The following LRP1B variants were observed in gnomAD, a reference collection of about 807,000 sequenced individuals.
LRP1B encodes LDL receptor related protein 1B, also known as low-density lipoprotein receptor-related protein 1B.
LRP1B carries 217 observed loss-of-function variants against 556.6 expected under a neutral mutation model. That is an observed-to-expected ratio of 0.39 (90% confidence interval 0.35 to 0.44). LRP1B has a LOEUF of 0.44. Among genes scored for constraint, LRP1B ranks in the 20% least tolerant of loss-of-function variants. LRP1B has a pLI of 1.00. For missense variants in LRP1B, 5,053 were observed against 5,620.8 expected, an observed-to-expected ratio of 0.90 and a Z score of 3.23; for synonymous variants, 2,047 against 1,865.8, an observed-to-expected ratio of 1.10 and a Z score of -2.50.
chr2:141,172,832 A>C (rs1680565188), intron 7 of LRP1B, among the ~76,000 whole-genome samples: 1 of 152,048 alleles, frequency 6.6e-6, no homozygotes, highest in South Asian at 2.1e-4. Flanking sequence ...CTCTGTGAGT[A>C]GTTACCTTTG....
Position 141,753,934 on chromosome 2 carries a change from T to C in LRP1B, c.205+56345A>G, listed in dbSNP as rs561133806. 2.0e-5 allele frequency among the ~76,000 whole-genome samples: 3 copies of C among 152,250 alleles called. No individual in the cohort carries two copies. In the South Asian group the frequency reaches 6.2e-4, roughly 32 times the overall value. The stretch of plus-strand genomic sequence containing the variant: ...TAACCCTAATACCCAGGAGTGTACA[T>C]GCACACAGTAGATATTTTAACTGAT... On this transcript the variant is annotated intron_variant, in intron 2 of 90. Coordinates refer to ENST00000389484, the MANE Select transcript of LRP1B (RefSeq NM_018557.3).
At chr2:141,206,153 A>G (rs1682269044) in intron 6 of LRP1B, among the ~76,000 whole-genome samples, 1 of 152,066 alleles carries the variant, frequency 6.6e-6, no homozygotes, top group African/African-American at 2.4e-5. Flanking sequence ...ACACACACAC[A>G]CACACGCACA....
At chr2:141,738,318 T>C (rs556279903) in intron 2 of LRP1B, among the ~76,000 whole-genome samples, 1 of 152,304 alleles carries the variant, frequency 6.6e-6, no homozygotes, top group South Asian at 2.1e-4. Flanking sequence ...CACAAAAATC[T>C]AAATGCTGTA....
chr2:141,586,695 C>A (rs1687146318), intron 2 of LRP1B, among the ~76,000 whole-genome samples: 1 of 152,112 alleles, frequency 6.6e-6, no homozygotes, highest in Admixed American at 6.6e-5. Flanking sequence ...GTAATCCCAG[C>A]ACTTTGGGAG....
chr2:141,268,797 C>T lies in LRP1B; in HGVS notation c.344-14156G>A, dbSNP rs139895653. Reference sequence around the variant, plus strand: ...ATAATTCTAACCAAAAAACAACAGACACAGCCAAAACCCAGGAATATCAAA... The same window carrying T: ...ATAATTCTAACCAAAAAACAACAGATACAGCCAAAACCCAGGAATATCAAA... On this transcript the variant is annotated intron_variant, in intron 3 of 90. Coordinates refer to ENST00000389484, the MANE Select transcript of LRP1B (RefSeq NM_018557.3). Among the ~76,000 whole-genome samples, 74 of 152,212 alleles carry T rather than the reference C, an allele frequency of 4.9e-4. 1 individual carries two copies. The East Asian group carries it at 0.014, about 29-fold the overall frequency.
At chr2:141,413,802 A>T (rs747056359) in intron 3 of LRP1B, among the ~76,000 whole-genome samples, 1 of 151,858 alleles carries the variant, frequency 6.6e-6, no homozygotes, top group African/African-American at 2.4e-5. Context: ...ACCTGAGCAC[A>T]GGGAGGTTGA....
chr2:140,908,503 T>C (rs943766281), intron 21 of LRP1B, among the ~76,000 whole-genome samples: 6 of 151,540 alleles, frequency 4.0e-5, no homozygotes. Context: ...TTTAGGTGAA[T>C]GCTATCGGTG....
At chr2:140,939,766 C>A (rs889286486) in intron 20 of LRP1B, among the ~76,000 whole-genome samples, 1 of 151,346 alleles carries the variant, frequency 6.6e-6, no homozygotes, top group Admixed American at 6.6e-5. Flanking sequence ...ACATGAAAAT[C>A]CAAACATTTA....
intron 41 of LRP1B, among the ~76,000 whole-genome samples, chr2:140,608,532 A>G (rs760598232): frequency 4.6e-5 from 7 of 152,192 alleles, no homozygotes; most frequent in Non-Finnish European, 8.8e-5. Flanking sequence ...TGTCCTTATT[A>G]TTGCACTTAG....
chr2:141,252,279 T>C (rs1252929225), intron 4 of LRP1B, among the ~76,000 whole-genome samples: 3 of 149,226 alleles, frequency 2.0e-5, no homozygotes, highest in Admixed American at 6.7e-5. Context: ...CAGTGAATCC[T>C]TGTTTCAGAG....
At chr2:140,935,724 A>C (rs1024346257) in intron 20 of LRP1B, among the ~76,000 whole-genome samples, 4 of 152,114 alleles carry the variant, frequency 2.6e-5, no homozygotes, top group Non-Finnish European at 5.9e-5. Flanking sequence ...TAAGCAAACT[A>C]TCTAAAGAAA....
In LRP1B at chr2:140,356,420, A is replaced by C. The variant is rs1318485154; in HGVS notation, c.11452T>G (p.Cys3818Gly). Reference sequence around the variant, plus strand: ...AAAACAGATGTTTTTATTTGATTACAATATGCATCATCTCCACATGGATTC... The same window carrying C: ...AAAACAGATGTTTTTATTTGATTACCATATGCATCATCTCCACATGGATTC... ...NVNPCGDDAY[C>G]NQIKTSVFCR... Residue 3818 changes from cysteine (C) to glycine (G), a missense_variant, in exon 75 of 91, where the codon TGT (cysteine) becomes GGT (glycine). Around this residue, in one of 5 missense-constraint regions of LRP1B, gnomAD observed 599 missense variants for 648.4 expected, o/e 0.92. Transcript: ENST00000389484. 2 of 1,608,682 alleles carry C rather than the reference A, an allele frequency of 1.2e-6. No individual in the cohort carries two copies. Among genetic ancestry groups the C allele is most frequent in the Non-Finnish European group, 1.7e-6 (2 of 1,175,876 alleles).
At chr2:140,991,201 A>G (rs1697083265) in intron 16 of LRP1B, among the ~76,000 whole-genome samples, 1 of 152,172 alleles carries the variant, frequency 6.6e-6, no homozygotes, top group South Asian at 2.1e-4. Context: ...TAAAGTACCA[A>G]TATTATACAT....
At chr2:142,106,360 A>G (rs1255729187) in intron 1 of LRP1B, among the ~76,000 whole-genome samples, 1 of 152,178 alleles carries the variant, frequency 6.6e-6, no homozygotes, top group African/African-American at 2.4e-5. Flanking sequence ...AAATTTGTAA[A>G]GCACTTTCAT....
chr2:140,258,251 ACT>A (rs764970227), intron 86 of LRP1B, among the ~76,000 whole-genome samples: 1 of 151,772 alleles, frequency 6.6e-6, no homozygotes, highest in Non-Finnish European at 1.5e-5. Context: ...AACTCAGATC[ACT>A]CTCTAAATGA....
chr2:141,401,333 A>G (rs1350967330), intron 3 of LRP1B, among the ~76,000 whole-genome samples: 1 of 152,202 alleles, frequency 6.6e-6, no homozygotes, highest in Admixed American at 6.5e-5. Flanking sequence ...ACTCTTTTAC[A>G]AACATGGTTA....
intron 2 of LRP1B, among the ~76,000 whole-genome samples, chr2:141,634,590 T>A (rs920632555): frequency 6.6e-5 from 10 of 152,060 alleles, no homozygotes; most frequent in African/African-American, 2.4e-4. Flanking sequence ...TATAAAATTT[T>A]AGAAAATGTG....
At chr2:141,628,389 C>G (rs1688778808) in intron 2 of LRP1B, among the ~76,000 whole-genome samples, 1 of 151,810 alleles carries the variant, frequency 6.6e-6, no homozygotes, top group South Asian at 2.1e-4. Context: ...ATTGGTCAGT[C>G]ATTACAAAAG....
chr2:141,435,062 T>C (rs1680709550), intron 3 of LRP1B, among the ~76,000 whole-genome samples: 1 of 152,224 alleles, frequency 6.6e-6, no homozygotes, highest in Admixed American at 6.5e-5. Context: ...TTTAATACTT[T>C]GATCACTTCT....
Sources: gnomAD v4.1 joint callset for allele counts (sites outside exome capture counted in the v4.1 genomes callset) on GRCh38, gnomAD v4.1.1 for gene constraint, gnomAD v4.1.1 regional missense constraint, MANE v1.5 for transcripts, NCBI Gene and HGNC (gene_info 2026-07-23, HGNC 2026-07-21) for gene names.